CYP20A1: variants seen among roughly 807,000 people sequenced by gnomAD.
CYP20A1 encodes the protein cytochrome P450 20A1.
A neutral mutation model predicts 61.4 loss-of-function variants in CYP20A1; 61 were observed. That is an observed-to-expected ratio of 0.99 (90% CI 0.81 to 1.23). CYP20A1 has a LOEUF of 1.23. Ranked by LOEUF, CYP20A1 falls within the 50% of genes most tolerant of loss-of-function variation. The probability of loss-of-function intolerance (pLI) is 0.00; values close to 1 mark genes in which losing one functional copy is unlikely to be tolerated. For synonymous variants in CYP20A1, 193 were observed against 188.2 expected, an observed-to-expected ratio of 1.03 and a Z score of -0.21; for missense variants, 530 against 542.4, an observed-to-expected ratio of 0.98 and a Z score of 0.23.
chr2:203,285,713 G>C lies in CYP20A1; in HGVS notation c.952G>C (p.Glu318Gln). Residue 318 changes from glutamate (E) to glutamine (Q), a missense_variant, in exon 9 of 13, where the codon GAG becomes CAG. Glu to Gln is a conservative substitution (Grantham distance 29). Coordinates refer to ENST00000356079, the MANE Select transcript of CYP20A1 (RefSeq NM_177538.3). ...TTTTGGAAATGGTCCTGTTACTCCA[G>C]AGAAAATTGAGCAGCTCAGGTAAGA... ...QVFGNGPVTP[E>Q]KIEQLRYCQH... The C allele has an allele frequency of 6.3e-7, 1 of 1,594,400 alleles. No homozygotes were observed. Among genetic ancestry groups the C allele is most frequent in the African/African-American group, 1.4e-5 (1 of 73,656 alleles).
chr2:203,290,106 A>G (rs1469284803), intron 10 of CYP20A1, among the ~76,000 whole-genome samples: 1 of 151,822 alleles, frequency 6.6e-6, no homozygotes, highest in African/African-American at 2.4e-5. Context: ...ATGGCCAGCT[A>G]ATTTTTGTAT....
chr2:203,261,043 C>T (rs1020118722), intron 4 of CYP20A1, among the ~76,000 whole-genome samples: 5 of 151,746 alleles, frequency 3.3e-5, no homozygotes, highest in South Asian at 2.1e-4. Context: ...AGAGAGAAGG[C>T]ATATAATTAT....
chr2:203,294,457 T>C (rs2068684997), intron 11 of CYP20A1, among the ~76,000 whole-genome samples: 1 of 149,748 alleles, frequency 6.7e-6, no homozygotes, highest in Admixed American at 6.7e-5. Flanking sequence ...GAGGTGGAGG[T>C]TGCAGTGAGC....
intron 4 of CYP20A1, among the ~76,000 whole-genome samples, chr2:203,254,618 A>G (rs2066826710): frequency 1.3e-5 from 2 of 151,990 alleles, no homozygotes; most frequent in African/African-American, 4.8e-5. Flanking sequence ...TAATCAGATT[A>G]TACTGCGTGG....
In CYP20A1 at chr2:203,300,891, GAAAA is replaced by G. The variant is rs1163039964; in HGVS notation, c.*4002_*4005del. On this transcript the variant is annotated 3_prime_UTR_variant, in exon 13 of 13. Transcript: ENST00000356079. ...GCAATAAGAGCAAAACTCCGTCTCAGAAAAAAAAAAAAAAAAAAAAAACGGCCAG... is the reference window on the plus strand; with the variant it reads ...GCAATAAGAGCAAAACTCCGTCTCAGAAAAAAAAAAAAAAAAAACGGCCAG... 1.1e-4 allele frequency among the ~76,000 whole-genome samples: 4 copies of G among 37,044 alleles called. No individual in the cohort carries two copies. The highest frequency in any genetic ancestry group is 2.3e-4 in the African/African-American group (3 of 12,872). 24.3% of individuals were successfully genotyped at this position (37,044 alleles called of 152,430 possible).
In CYP20A1 at chr2:203,271,952, G is replaced by A. The variant is rs976821201; in HGVS notation, c.601-718G>A. Among the ~76,000 whole-genome samples the A allele has an allele frequency of 2.6e-5, 4 of 151,588 alleles. No homozygotes were observed. In the South Asian group the frequency reaches 6.3e-4, roughly 24 times the overall value. The stretch of plus-strand genomic sequence containing the variant: ...GAGGCTGGGAGAATTGCCTGAACTC[G>A]GGAGGTGGAAGTTGCAGTCAGCCGA... On this transcript the variant is annotated intron_variant, in intron 5 of 12. Coordinates refer to ENST00000356079, the MANE Select transcript of CYP20A1 (RefSeq NM_177538.3).
At chr2:203,276,435 T>C (rs2067823106) in intron 6 of CYP20A1, among the ~76,000 whole-genome samples, 1 of 151,942 alleles carries the variant, frequency 6.6e-6, no homozygotes, top group Non-Finnish European at 1.5e-5. Context: ...GGGAAACTAG[T>C]TAGAAGGCTG....
In CYP20A1 at chr2:203,305,157, T is replaced by TACTCCCA; in HGVS notation, c.*8251_*8257dup. On this transcript the variant is annotated 3_prime_UTR_variant, in exon 13 of 13. Coordinates refer to ENST00000356079, the MANE Select transcript of CYP20A1 (RefSeq NM_177538.3). Reference sequence around the variant, plus strand: ...GTAATAAATCACACTCTTCCAGTTCTACTCCCAATTTAATTGGTTTACAGT... The same window carrying TACTCCCA: ...GTAATAAATCACACTCTTCCAGTTCTACTCCCAACTCCCAATTTAATTGGTTTACAGT... Among the ~76,000 whole-genome samples the TACTCCCA allele has an allele frequency of 6.6e-6, 1 of 151,440 alleles. No individual in the cohort carries two copies. Among genetic ancestry groups the TACTCCCA allele is most frequent in the African/African-American group, 2.4e-5 (1 of 41,374 alleles).
In CYP20A1 at chr2:203,289,927, G is replaced by GGT. The variant is rs751476045; in HGVS notation, c.1083+64_1083+65dup. 2.1e-3 allele frequency: 1,896 copies of GGT among 889,738 alleles called. 18 individuals carry two copies. In the African/African-American group the frequency reaches 0.021, roughly 10 times the overall value. 55.1% of individuals were successfully genotyped at this position (889,738 alleles called of 1,614,324 possible). A position where few individuals can be genotyped will look rare whatever the true frequency, so the allele number is the denominator to read the frequency against. ...TCATTCAGCTATTCTCAACTCTTTT[G>GGT]GTGTGTGTGTGTGTATATATATATA... On this transcript the variant is annotated intron_variant, in intron 10 of 12. Transcript: ENST00000356079.
chr2:203,258,022 C>T (rs919096323), intron 4 of CYP20A1, among the ~76,000 whole-genome samples: 1 of 50,720 alleles, frequency 2.0e-5, no homozygotes, highest in Non-Finnish European at 7.4e-5. Flanking sequence ...CTGCCTCAGC[C>T]TCCTGAGTAA....
intron 4 of CYP20A1, among the ~76,000 whole-genome samples, chr2:203,263,377 A>G (rs1225190555): frequency 1.4e-5 from 2 of 141,858 alleles, no homozygotes; most frequent in East Asian, 2.1e-4. Flanking sequence ...GCAACCTCCA[A>G]CTCCGTGGTT....
In CYP20A1 at chr2:203,284,419, A is replaced by G. The variant is rs939357492; in HGVS notation, c.851-1193A>G. Among the ~76,000 whole-genome samples, 3 of 152,210 alleles carry G rather than the reference A, an allele frequency of 2.0e-5. No homozygotes were observed. The East Asian group carries it at 5.8e-4, about 29-fold the overall frequency. ...ATAGTTATAATCCCAGTGTATTACT[A>G]AAGGAAATATAACTACTCTTTTTCC... On this transcript the variant is annotated intron_variant, in intron 8 of 12. Coordinates refer to ENST00000356079, the MANE Select transcript of CYP20A1 (RefSeq NM_177538.3).
intron 11 of CYP20A1, among the ~76,000 whole-genome samples, chr2:203,293,609 G>T (rs973283974): frequency 4.0e-5 from 6 of 151,056 alleles, no homozygotes; most frequent in Non-Finnish European, 7.4e-5. Flanking sequence ...TGGGGAACAG[G>T]TGGTATTTCT....
intron 4 of CYP20A1, among the ~76,000 whole-genome samples, chr2:203,265,855 T>A (rs936926982): frequency 2.6e-5 from 4 of 152,126 alleles, no homozygotes; most frequent in African/African-American, 9.7e-5. Context: ...CACACCTGAC[T>A]AATTTTTGTA....
At chr2:203,242,881 A>G (rs1452869034) in intron 1 of CYP20A1, among the ~76,000 whole-genome samples, 1 of 152,034 alleles carries the variant, frequency 6.6e-6, no homozygotes, top group East Asian at 1.9e-4. Flanking sequence ...TCCATTTGTC[A>G]TAATCATCTA....
chr2:203,294,890 C>A (rs1191080064), intron 11 of CYP20A1, among the ~76,000 whole-genome samples: 3 of 150,532 alleles, frequency 2.0e-5, no homozygotes. Context: ...CCTCTGCTTC[C>A]CAAAGTGCTG....
At chr2:203,252,837 C>G (rs78597325) in intron 4 of CYP20A1, among the ~76,000 whole-genome samples, 3 of 152,258 alleles carry the variant, frequency 2.0e-5, no homozygotes, top group Admixed American at 6.5e-5. Flanking sequence ...CTCCCCACTT[C>G]GCGGTTGATG....
chr2:203,292,470 T>A, intron 11 of CYP20A1, 144 bp downstream of exon 11: 1 of 626,150 alleles, frequency 1.6e-6, no homozygotes, highest in East Asian at 2.7e-5. Context: ...TTTCTTCTCT[T>A]TCTTTTGAGA....
chr2:203,253,913 G>A (rs2066795767), intron 4 of CYP20A1, among the ~76,000 whole-genome samples: 1 of 151,726 alleles, frequency 6.6e-6, no homozygotes, highest in South Asian at 2.1e-4. Flanking sequence ...CTTGAAGTGA[G>A]CTTGCTAGGC....
Sources: gnomAD v4.1 joint callset for allele counts (sites outside exome capture counted in the v4.1 genomes callset) on GRCh38, gnomAD v4.1.1 for gene constraint, MANE v1.5 for transcripts, NCBI Gene and HGNC (gene_info 2026-07-23, HGNC 2026-07-21) for gene names.